KDR: variants seen among roughly 807,000 people sequenced by gnomAD.
KDR encodes kinase insert domain receptor.
KDR carries 43 observed loss-of-function variants against 160.9 expected under a neutral mutation model. The ratio of observed to expected loss-of-function variants is 0.27; its 90% CI spans 0.21 to 0.34. The LOEUF (loss-of-function observed/expected upper bound fraction) is 0.34, where lower values mean the gene tolerates loss of function less well. Ranked by LOEUF, KDR falls within the 10% of genes least tolerant of loss-of-function variation. KDR has a pLI of 1.00. For synonymous variants in KDR, 617 were observed against 600.1 expected, an observed-to-expected ratio of 1.03 and a Z score of -0.41; for missense variants, 1,469 against 1,666.4, an observed-to-expected ratio of 0.88 and a Z score of 2.06.
chr4:55,124,765 AACCGAGT>A (rs1280486336), intron 1 of KDR, among the ~76,000 whole-genome samples: 1 of 152,194 alleles, frequency 6.6e-6, no homozygotes, highest in African/African-American at 2.4e-5. Flanking sequence ...AAAGAGGCAG[AACCGAGT>A]GTACCGTCCG....
At chr4:55,108,015 G>T in intron 9 of KDR, 122 bp from the exon 10 acceptor site, 1 of 1,025,086 alleles carries the variant, frequency 9.8e-7, no homozygotes, top group Non-Finnish European at 1.5e-6. Flanking sequence ...TTTCTTTTTC[G>T]AAGAACACCT....
At position 55,105,827 on chromosome 4, in the gene KDR, C is replaced by T; in HGVS notation, c.1645+5G>A. On this transcript the variant is annotated splice_donor_5th_base_variant and intron_variant, in intron 12 of 29. Transcript: ENST00000263923. Reference sequence around the variant, plus strand: ...CAACCCAAACCTCCAGAGAAGAGTACTTACTGGTCACGTGGAAGGAGATCA... The same window carrying T: ...CAACCCAAACCTCCAGAGAAGAGTATTTACTGGTCACGTGGAAGGAGATCA... 6.4e-7 allele frequency: 1 copy of T among 1,556,726 alleles called. No individual in the cohort carries two copies. The highest frequency in any genetic ancestry group is 8.9e-7 in the Non-Finnish European group (1 of 1,127,520).
In KDR at chr4:55,080,124, A is replaced by G. The variant is rs56347250; in HGVS notation, c.3888T>C (p.Ser1296=). ...VPSKSRESVA[S]EGSNQTSGYQ... is the part of the protein sequence containing the mutation. The stretch of plus-strand genomic sequence containing the variant: ...AGCCGCTTGTCTGGTTTGAGCCTTC[A>G]GATGCCACAGACTCCCTGCTTTTGC... Residue 1296 remains serine, a synonymous_variant, in exon 30 of 30, where the codon TCT becomes TCC. Transcript: ENST00000263923. 6.2e-7 allele frequency: 1 copy of G among 1,613,858 alleles called. No homozygotes were observed. The highest frequency in any genetic ancestry group is 8.5e-7 in the Non-Finnish European group (1 of 1,180,034).
At chr4:55,090,160 A>C in intron 22 of KDR, 82 bp from the exon 23 acceptor site, 1 of 1,543,780 alleles carries the variant, frequency 6.5e-7, no homozygotes, top group Non-Finnish European at 8.9e-7. Flanking sequence ...CATCAAAAAA[A>C]AATCCCACAT....
chr4:55,119,858 G>C (rs758289095), intron 2 of KDR, among the ~76,000 whole-genome samples: 18 of 152,184 alleles, frequency 1.2e-4, no homozygotes, highest in Non-Finnish European at 2.6e-4. Context: ...TCAACATCAA[G>C]AAGAATGTAA....
At chr4:55,102,266 T>C (rs1382976057) in intron 14 of KDR, 96 bp downstream of exon 14, 7 of 1,455,682 alleles carry the variant, frequency 4.8e-6, no homozygotes, top group Non-Finnish European at 6.7e-6. Flanking sequence ...CCAATACTGC[T>C]TTTTTTCTAC....
Position 55,079,157 on chromosome 4 carries a change from T to C in KDR, c.*784A>G. ...TGTCCTTTCTTTGTGGTATTCTGAA[T>C]AAAGGATCAGCCTGGGAGACAAGGA... On this transcript the variant is annotated 3_prime_UTR_variant, in exon 30 of 30. Coordinates refer to ENST00000263923, the MANE Select transcript of KDR (RefSeq NM_002253.4). The C allele has an allele frequency of 4.3e-6, 1 of 233,444 alleles. No homozygotes were observed. The highest frequency in any genetic ancestry group is 2.2e-5 in the African/African-American group (1 of 45,462). 14.5% of individuals were successfully genotyped at this position (233,444 alleles called of 1,614,324 possible). A position where few individuals can be genotyped will look rare whatever the true frequency, so the allele number is the denominator to read the frequency against.
Position 55,079,910 on chromosome 4 carries a change from G to C in KDR, c.*31C>G, listed in dbSNP as rs542341800. 19 of 1,558,252 alleles carry C rather than the reference G, an allele frequency of 1.2e-5. No individual in the cohort carries two copies. In the South Asian group the frequency reaches 2.1e-4, roughly 17 times the overall value. On this transcript the variant is annotated 3_prime_UTR_variant, in exon 30 of 30. Transcript: ENST00000263923. ...ATCTGAGCAGCACCTCTCATGTGAT[G>C]TCCAGGAGTTGGGGGTGTGGATGCT...
chr4:55,088,736 A>C (rs561451668), intron 26 of KDR, 132 bp downstream of exon 26: 2 of 718,874 alleles, frequency 2.8e-6, no homozygotes, highest in South Asian at 1.5e-5. Context: ...TATTACTCAG[A>C]TGTAGAAGAA....
rs753680159 is a variant in KDR, at chr4:55,097,773, TCAA to T, written c.2510-10_2510-8del. On this transcript the variant is annotated splice_polypyrimidine_tract_variant and splice_region_variant and intron_variant, in intron 17 of 29. Coordinates refer to ENST00000263923, the MANE Select transcript of KDR (RefSeq NM_002253.4). ...CCACGGCCAAGAGGCTTACCTAGAG[TCAA>T]CAACAACAGCAACAAGAAAACAGAC... 1.0e-5 allele frequency: 16 copies of T among 1,592,866 alleles called. No homozygotes were observed. The highest frequency in any genetic ancestry group is 6.7e-5 in the African/African-American group (5 of 74,118).
chr4:55,092,937 A>T (rs1720055826), intron 21 of KDR, among the ~76,000 whole-genome samples: 1 of 152,206 alleles, frequency 6.6e-6, no homozygotes, highest in African/African-American at 2.4e-5. Flanking sequence ...ATTTTAGCCA[A>T]ATTGAACCAG....
chr4:55,079,930 G>T lies in KDR; in HGVS notation c.*11C>A. On this transcript the variant is annotated 3_prime_UTR_variant, in exon 30 of 30. Coordinates refer to ENST00000263923, the MANE Select transcript of KDR (RefSeq NM_002253.4). ...GTGATGTCCAGGAGTTGGGGGTGTG[G>T]ATGCTTCCTTTTAAACAGGAGGAGA... is the stretch of plus-strand genomic sequence containing the variant. The T allele has an allele frequency of 6.2e-7, 1 of 1,610,276 alleles. No individual in the cohort carries two copies. Among genetic ancestry groups the T allele is most frequent in the Non-Finnish European group, 8.5e-7 (1 of 1,176,664 alleles).
At chr4:55,115,213 G>T in intron 4 of KDR, 68 bp downstream of exon 4, 2 of 1,380,628 alleles carry the variant, frequency 1.4e-6, no homozygotes, top group Non-Finnish European at 2.1e-6. Context: ...TTATAAACAG[G>T]TTACCCATCT....
At chr4:55,114,007 G>C in intron 6 of KDR, 119 bp downstream of exon 6, 2 of 966,680 alleles carry the variant, frequency 2.1e-6, no homozygotes, top group Non-Finnish European at 3.4e-6. Context: ...GTGTGTATGT[G>C]TGTGTGTTTA....
chr4:55,089,924 A>T (rs2110011426), intron 23 of KDR, 32 bp downstream of exon 23: 1 of 1,613,274 alleles, frequency 6.2e-7, no homozygotes, highest in African/African-American at 1.3e-5. Flanking sequence ...TCTGTTACTT[A>T]ACCAAGCACT....
intron 3 of KDR, among the ~76,000 whole-genome samples, chr4:55,116,296 T>C (rs1720734869): frequency 6.6e-6 from 1 of 151,700 alleles, no homozygotes; most frequent in Non-Finnish European, 1.5e-5. Context: ...CACGCACCTG[T>C]AGTCCCAGCT....
intron 1 of KDR, among the ~76,000 whole-genome samples, chr4:55,124,657 A>T (rs916350729): frequency 1.3e-5 from 2 of 149,844 alleles, no homozygotes; most frequent in African/African-American, 4.9e-5. Flanking sequence ...GTCCTGCACC[A>T]AGGAAGGAAA....
At chr4:55,089,276 C>T (rs1719945967) in intron 25 of KDR, 98 bp downstream of exon 25, 2 of 843,008 alleles carry the variant, frequency 2.4e-6, no homozygotes, top group Admixed American at 2.0e-5. Flanking sequence ...AGGACACTAA[C>T]TGGGCAATGA....
intron 7 of KDR, among the ~76,000 whole-genome samples, chr4:55,112,654 G>C (rs1377223350): frequency 6.6e-6 from 1 of 150,862 alleles, no homozygotes; most frequent in South Asian, 2.1e-4. Context: ...TCAGCCTCCT[G>C]AGTAGCTGGG....
Sources: allele counts gnomAD v4.1 joint callset (sites outside exome capture counted in the v4.1 genomes callset), GRCh38; gene constraint gnomAD v4.1.1; transcripts MANE v1.5; gene names NCBI Gene and HGNC (gene_info 2026-07-23, HGNC 2026-07-21).